The following PRDM10 variants were observed in gnomAD, a reference collection of about 807,000 sequenced individuals.
The protein encoded by PRDM10 is PR domain zinc finger protein 10.
In PRDM10, 65 loss-of-function variants were observed where a neutral mutation model predicts 133.1. The ratio of observed to expected loss-of-function variants is 0.49; its 90% CI spans 0.40 to 0.60. The LOEUF is 0.60. Among genes scored for constraint, PRDM10 ranks in the 20% least tolerant of loss-of-function variants. The probability of loss-of-function intolerance (pLI) is 0.00; values close to 1 mark genes in which losing one functional copy is unlikely to be tolerated. For synonymous variants in PRDM10, 582 were observed against 580.4 expected, an observed-to-expected ratio of 1.00 and a Z score of -0.04; for missense variants, 1,137 against 1,507.1, an observed-to-expected ratio of 0.75 and a Z score of 4.07.
chr11:129,944,069 G>A (rs1951308343), intron 6 of PRDM10, among the ~76,000 whole-genome samples: 1 of 152,140 alleles, frequency 6.6e-6, no homozygotes, highest in Admixed American at 6.5e-5. Flanking sequence ...TGCAAGCACC[G>A]AGGAAAGACC....
rs145241906 is a variant in PRDM10 at position 129,905,621 on chromosome 11, C to T, written c.3267+17G>A. 995 of 1,602,634 alleles carry T rather than the reference C, an allele frequency of 6.2e-4. 6 individuals are homozygous for T. The African/African-American group carries it at 0.011, about 18-fold the overall frequency. ...ACAGGTTGGACAGGAAAAACCCGAC[C>T]GAGTAGCGTAGCTTACCGAAGTAAC... On this transcript the variant is annotated intron_variant, in intron 20 of 20. Transcript: ENST00000360871.
chr11:129,952,086 T>C (rs1246076282), intron 4 of PRDM10, among the ~76,000 whole-genome samples: 1 of 152,180 alleles, frequency 6.6e-6, no homozygotes, highest in Non-Finnish European at 1.5e-5. Flanking sequence ...TGAAGAAAGA[T>C]GCTAAGCCAA....
chr11:129,956,269 A>G (rs1252595367), intron 3 of PRDM10, among the ~76,000 whole-genome samples: 3 of 152,344 alleles, frequency 2.0e-5, no homozygotes, highest in Non-Finnish European at 4.4e-5. Context: ...CCTTTCTTCT[A>G]AAGTTTTTAA....
chr11:129,983,241 G>A (rs1938214719), intron 1 of PRDM10, among the ~76,000 whole-genome samples: 1 of 151,618 alleles, frequency 6.6e-6, no homozygotes, highest in South Asian at 2.1e-4. Context: ...GCCTCCCAAA[G>A]GGCTGGGATT....
At chr11:129,996,234 T>G (rs1939058065) in intron 1 of PRDM10, among the ~76,000 whole-genome samples, 1 of 152,116 alleles carries the variant, frequency 6.6e-6, no homozygotes, top group Non-Finnish European at 1.5e-5. Flanking sequence ...TGCAGGACCT[T>G]CAGAGACAAA....
At chr11:129,927,385 G>A (rs1380088022) in intron 11 of PRDM10, among the ~76,000 whole-genome samples, 2 of 152,030 alleles carry the variant, frequency 1.3e-5, no homozygotes, top group Non-Finnish European at 2.9e-5. Flanking sequence ...ATACTATTGT[G>A]AGGTTCAAAG....
In PRDM10 at chr11:130,002,824, C is replaced by T; in HGVS notation, c.-221G>A. On this transcript the variant is annotated 5_prime_UTR_variant, in exon 1 of 21. Coordinates refer to ENST00000360871, the MANE Select transcript of PRDM10 (RefSeq NM_199437.2). ...CCCCGCCACCTCCAGGTGGTTCTTCCCGCCGCAGAGTGGGAGCAGCATAAA... is the reference window on the plus strand; with the variant it reads ...CCCCGCCACCTCCAGGTGGTTCTTCTCGCCGCAGAGTGGGAGCAGCATAAA... 5.0e-6 allele frequency: 1 copy of T among 198,950 alleles called. No individual in the cohort carries two copies. Among genetic ancestry groups the T allele is most frequent in the Non-Finnish European group, 1.1e-5 (1 of 94,418 alleles). 12.3% of individuals were successfully genotyped at this position (198,950 alleles called of 1,614,324 possible).
rs143275626 is a variant in PRDM10, at chr11:129,903,731, C to T, written c.3268-1215G>A. Among the ~76,000 whole-genome samples, 134 of 152,240 alleles carry T rather than the reference C, an allele frequency of 8.8e-4. No individual in the cohort carries two copies. The East Asian group carries it at 0.024, about 27-fold the overall frequency. On this transcript the variant is annotated intron_variant, in intron 20 of 20. Transcript: ENST00000360871. ...AATACCCATTTGATTCCACTAGGGC[C>T]AGATGTTCTGAGTTCACCCCCACCA...
At position 129,915,818 on chromosome 11, in the gene PRDM10, T is replaced by A; in HGVS notation, c.2368A>T (p.Asn790Tyr). Residue 790 changes from asparagine to tyrosine, a missense_variant, in exon 16 of 21, where the codon AAC becomes TAC. Around this residue, in one of 6 missense-constraint regions of PRDM10, gnomAD observed 65 missense variants for 151.1 expected, o/e 0.43. Coordinates refer to ENST00000360871, the MANE Select transcript of PRDM10 (RefSeq NM_199437.2). ...GGTGGGAGCTCTGCTCCTGGGTGGT[T>A]CTTCAGAATGTGGGCTTTGCGCTTG... ...ASKRKAHILK[N>Y]HPGAELPPSI... 6.2e-7 allele frequency: 1 copy of A among 1,614,182 alleles called. No homozygotes were observed. Among genetic ancestry groups the A allele is most frequent in the East Asian group, 2.2e-5 (1 of 44,882 alleles).
At chr11:129,985,264 AGTGT>A (rs149995969) in intron 1 of PRDM10, among the ~76,000 whole-genome samples, 4 of 151,536 alleles carry the variant, frequency 2.6e-5, no homozygotes, top group Non-Finnish European at 4.4e-5. Flanking sequence ...CAGCTAAGAA[AGTGT>A]GTGTGTGTGT....
At chr11:129,958,965 G>A (rs1226003446) in intron 2 of PRDM10, among the ~76,000 whole-genome samples, 1 of 152,180 alleles carries the variant, frequency 6.6e-6, no homozygotes, top group African/African-American at 2.4e-5. Flanking sequence ...TTGGCACATG[G>A]CCTGATGCCT....
chr11:129,915,849 A>G lies in PRDM10; in HGVS notation c.2337T>C (p.Ser779=). Residue 779 remains serine, a synonymous_variant, in exon 16 of 21, where the codon AGT becomes AGC. Transcript: ENST00000360871. ...FCQYCDKVYK[S]ASKRKAHILK... ...GAATGTGGGCTTTGCGCTTGCTGGC[A>G]CTTTTATAAACCTGCAAATGTAAGC... The G allele has an allele frequency of 6.2e-6, 10 of 1,613,846 alleles. No homozygotes were observed. The highest frequency in any genetic ancestry group is 8.5e-6 in the Non-Finnish European group (10 of 1,179,892).
In PRDM10 at chr11:129,915,546, C is replaced by T. The variant is rs763940702; in HGVS notation, c.2526+114G>A. The T allele has an allele frequency of 4.6e-4, 531 of 1,146,896 alleles. 1 individual carries two copies. The highest frequency in any genetic ancestry group is 6.1e-4 in the Non-Finnish European group (500 of 815,344). The allele number at this position is 1,146,896 out of a possible 1,614,324, so 71.0% of individuals were successfully genotyped here. A position where few individuals can be genotyped will look rare whatever the true frequency, so the allele number is the denominator to read the frequency against. On this transcript the variant is annotated intron_variant, in intron 16 of 20. Transcript: ENST00000360871. ...TGACTAGGACAACATCTCTTTCAGT[C>T]CCCCGTCAACTCAGAAGGAGCCATC... is the stretch of plus-strand genomic sequence containing the variant.
Position 129,968,427 on chromosome 11 carries a change from G to A in PRDM10, c.-118-7345C>T, listed in dbSNP as rs192735609. Among the ~76,000 whole-genome samples, 13 of 152,210 alleles carry A rather than the reference G, an allele frequency of 8.5e-5. No individual in the cohort carries two copies. In the East Asian group the frequency reaches 2.5e-3, roughly 29 times the overall value. ...CCTGCAAGATGAACATAAAAACTGA[G>A]GACAAAAACGGAGGAGGGTGAGTGC... On this transcript the variant is annotated intron_variant, in intron 1 of 20. Transcript: ENST00000360871.
chr11:129,940,821 T>C (rs1951182703), intron 7 of PRDM10, among the ~76,000 whole-genome samples: 1 of 152,284 alleles, frequency 6.6e-6, no homozygotes, highest in Non-Finnish European at 1.5e-5. Flanking sequence ...AACCTTTTAA[T>C]GTGTATTACA....
chr11:129,937,898 TTC>T (rs1306887528), intron 7 of PRDM10, among the ~76,000 whole-genome samples: 1 of 152,228 alleles, frequency 6.6e-6, no homozygotes, highest in Non-Finnish European at 1.5e-5. Flanking sequence ...AGAAAATGGT[TTC>T]TGTTACTAGA....
intron 13 of PRDM10, among the ~76,000 whole-genome samples, chr11:129,919,146 G>A (rs1430443881): frequency 6.6e-6 from 1 of 152,126 alleles, no homozygotes. Context: ...CGACAAGGGC[G>A]GATCACCTGA....
Position 129,962,027 on chromosome 11 carries a change from G to A in PRDM10, c.-118-945C>T, listed in dbSNP as rs145163395. The stretch of plus-strand genomic sequence containing the variant: ...ATAAGTCTCAAGATGAGAGGAAGGC[G>A]GCAAGTGGAGGGAGCTACATTTTCT... On this transcript the variant is annotated intron_variant, in intron 1 of 20. Transcript: ENST00000360871. 9.9e-5 allele frequency among the ~76,000 whole-genome samples: 15 copies of A among 152,248 alleles called. No individual in the cohort carries two copies. The South Asian group carries it at 1.7e-3, about 17-fold the overall frequency.
At chr11:129,913,432 G>C (rs1950256181) in intron 17 of PRDM10, among the ~76,000 whole-genome samples, 2 of 152,124 alleles carry the variant, frequency 1.3e-5, no homozygotes, top group African/African-American at 2.4e-5. Context: ...AGAGAGGGAA[G>C]ATAGTTCCTG....
Sources: allele counts gnomAD v4.1 joint callset (sites outside exome capture counted in the v4.1 genomes callset), GRCh38; gene constraint gnomAD v4.1.1; regional missense constraint gnomAD v4.1.1; transcripts MANE v1.5; gene names NCBI Gene and HGNC (gene_info 2026-07-23, HGNC 2026-07-21).